Variants in CEP85L observed in about 807,000 individuals in gnomAD.
CEP85L encodes centrosomal protein 85L, also known as centrosomal protein of 85 kDa-like.
CEP85L carries 60 observed loss-of-function variants against 100.3 expected under a neutral mutation model. The observed-to-expected ratio is 0.60, with a 90% CI of 0.49 to 0.74. The LOEUF (loss-of-function observed/expected upper bound fraction) is 0.74. Ranked by LOEUF, CEP85L falls within the 30% of genes least tolerant of loss-of-function variation. The probability of loss-of-function intolerance (pLI) is 0.00; values close to 1 mark genes in which losing one functional copy is unlikely to be tolerated. For synonymous variants in CEP85L, 319 were observed against 322.7 expected (o/e 0.99, Z 0.12); for missense variants, 973 against 936.2 (o/e 1.04, Z -0.51).
intron 2 of CEP85L, among the ~76,000 whole-genome samples, chr6:118,622,429 T>C (rs190374518): frequency 3.0e-4 from 45 of 152,278 alleles, no homozygotes; most frequent in Middle Eastern, 6.8e-3. Flanking sequence ...CCTGGGAGGA[T>C]CTCTTAGAAG....
chr6:118,709,110 C>A (rs565490870), intron 1 of CEP85L, among the ~76,000 whole-genome samples: 28 of 152,092 alleles, frequency 1.8e-4, no homozygotes, highest in African/African-American at 6.7e-4. Flanking sequence ...CACATCAAGA[C>A]GAAGGCACAT....
At chr6:118,702,977 CAAAG>C (rs1269600959) in intron 1 of CEP85L, among the ~76,000 whole-genome samples, 1 of 105,930 alleles carries the variant, frequency 9.4e-6, no homozygotes, top group East Asian at 2.9e-4. Context: ...GCCTGGGCGA[CAAAG>C]AGAGACTCTG....
chr6:118,518,817 G>A (rs901424345), intron 4 of CEP85L, among the ~76,000 whole-genome samples: 3 of 152,100 alleles, frequency 2.0e-5, no homozygotes, highest in African/African-American at 2.4e-5. Context: ...TTTTAGTTGC[G>A]ATGTTAGAGT....
intron 2 of CEP85L, among the ~76,000 whole-genome samples, chr6:118,591,176 C>A (rs529786431): frequency 6.6e-6 from 1 of 152,276 alleles, no homozygotes; most frequent in South Asian, 2.1e-4. Context: ...ATTTTAATTT[C>A]TGCAAACTTA....
intron 1 of CEP85L, among the ~76,000 whole-genome samples, chr6:118,635,516 C>T (rs934059182): frequency 6.6e-6 from 1 of 152,096 alleles, no homozygotes; most frequent in Non-Finnish European, 1.5e-5. Context: ...TATTATTATT[C>T]AATCTACCAG....
chr6:118,693,761 T>C (rs1372253440), intron 1 of CEP85L, among the ~76,000 whole-genome samples: 1 of 152,244 alleles, frequency 6.6e-6, no homozygotes, highest in African/African-American at 2.4e-5. Flanking sequence ...ATTGGCATTA[T>C]GTGTTGGATA....
At chr6:118,563,706 C>G (rs148762312) in intron 3 of CEP85L, among the ~76,000 whole-genome samples, 1,722 of 152,290 alleles carry the variant, frequency 0.011, 20 homozygotes, top group Non-Finnish European at 0.019. Context: ...CTGCCTTGGC[C>G]TCCCAAATTG....
chr6:118,689,058 T>G (rs1426354640), intron 1 of CEP85L, among the ~76,000 whole-genome samples: 1 of 152,196 alleles, frequency 6.6e-6, no homozygotes, highest in Non-Finnish European at 1.5e-5. Context: ...AGCAGAGACT[T>G]GAATAACACC....
intron 5 of CEP85L, among the ~76,000 whole-genome samples, chr6:118,499,493 G>A (rs561463365): frequency 6.6e-5 from 10 of 151,940 alleles, no homozygotes; most frequent in Admixed American, 2.0e-4. Context: ...GTGAAACCCC[G>A]TCTCTACTAA....
intron 6 of CEP85L, among the ~76,000 whole-genome samples, chr6:118,487,596 T>C (rs1307711000): frequency 6.6e-6 from 1 of 152,182 alleles, no homozygotes; most frequent in East Asian, 1.9e-4. Flanking sequence ...CTACCCCCAA[T>C]ACAGCATATG....
In CEP85L at chr6:118,558,825, G is replaced by A. The variant is rs558554251; in HGVS notation, c.1020+6704C>T. The A allele has an allele frequency of 3.7e-6, 3 of 816,866 alleles. No individual in the cohort carries two copies. The African/African-American group carries it at 5.0e-5, about 14-fold the overall frequency. 50.6% of individuals were successfully genotyped at this position (816,866 alleles called of 1,614,324 possible). A position where few individuals can be genotyped will look rare whatever the true frequency, so the allele number is the denominator to read the frequency against. On this transcript the variant is annotated intron_variant, in intron 3 of 12. Coordinates refer to ENST00000368491, the MANE Select transcript of CEP85L (RefSeq NM_001042475.3). Reference sequence around the variant, plus strand: ...TCCATTTATTATTTTTACATTCCAGGCTACCTAAAAGAAGACAGTTATCTC... The same window carrying A: ...TCCATTTATTATTTTTACATTCCAGACTACCTAAAAGAAGACAGTTATCTC...
chr6:118,529,158 T>C (rs988984897), intron 3 of CEP85L, among the ~76,000 whole-genome samples: 1 of 152,214 alleles, frequency 6.6e-6, no homozygotes, highest in Non-Finnish European at 1.5e-5. Flanking sequence ...CATTTCCACA[T>C]TACAATCTTA....
intron 1 of CEP85L, among the ~76,000 whole-genome samples, chr6:118,678,481 C>T (rs1210152184): frequency 6.6e-6 from 1 of 152,192 alleles, no homozygotes; most frequent in Non-Finnish European, 1.5e-5. Context: ...TATTTGTCTA[C>T]CTCTACACAT....
chr6:118,509,943 T>TATTAGACTATACTGTA (rs1775873393), intron 5 of CEP85L, among the ~76,000 whole-genome samples: 3 of 152,072 alleles, frequency 2.0e-5, no homozygotes, highest in Non-Finnish European at 4.4e-5. Flanking sequence ...TATATCTGTG[T>TATTAGACTATACTGTA]TCCAATTAGA....
chr6:118,523,286 T>G (rs1776770118), intron 4 of CEP85L, among the ~76,000 whole-genome samples: 1 of 152,230 alleles, frequency 6.6e-6, no homozygotes. Context: ...TAATTTTTTT[T>G]CAGAGCTTAG....
At chr6:118,513,289 A>AG (rs1281832256) in intron 4 of CEP85L, among the ~76,000 whole-genome samples, 5 of 152,026 alleles carry the variant, frequency 3.3e-5, no homozygotes, top group Non-Finnish European at 7.4e-5. Context: ...CAGAAAAAAA[A>AG]TATTTGTGTA....
chr6:118,600,330 T>G (rs1272470825), intron 2 of CEP85L, among the ~76,000 whole-genome samples: 3 of 118,592 alleles, frequency 2.5e-5, no homozygotes, highest in Non-Finnish European at 5.5e-5. Flanking sequence ...TGTGTGTGTG[T>G]GTGTGTGTGT....
intron 2 of CEP85L, among the ~76,000 whole-genome samples, chr6:118,623,655 C>T (rs901089659): frequency 1.1e-4 from 16 of 152,110 alleles, no homozygotes; most frequent in African/African-American, 3.9e-4. Context: ...TCCGAAATTC[C>T]CCTGGAAATT....
At chr6:118,499,663 C>CAA (rs935551043) in intron 5 of CEP85L, among the ~76,000 whole-genome samples, 1 of 148,348 alleles carries the variant, frequency 6.7e-6, no homozygotes, top group Non-Finnish European at 1.5e-5. Flanking sequence ...GACTCTGTCT[C>CAA]AAAAAAAACA....
Sources: gnomAD v4.1 joint callset for allele counts (sites outside exome capture counted in the v4.1 genomes callset) on GRCh38, gnomAD v4.1.1 for gene constraint, MANE v1.5 for transcripts, NCBI Gene and HGNC (gene_info 2026-07-23, HGNC 2026-07-21) for gene names.